CHODL: variants seen among roughly 807,000 people sequenced by gnomAD.
CHODL encodes the protein transmembrane protein MT75.
Under a neutral mutation model 34.5 loss-of-function variants are expected in CHODL, and 29 were observed. The observed-to-expected ratio is 0.84, with a 90% CI of 0.63 to 1.15. The LOEUF is 1.15. CHODL is among the 50% of genes most tolerant of loss of function. The pLI is 0.00. For missense variants in CHODL, 332 were observed against 332.5 expected (o/e 1.00, Z 0.01); for synonymous variants, 125 against 116.1 (o/e 1.08, Z -0.49).
At chr21:18,161,350 T>A (rs2073093161) in intron 2 of CHODL, among the ~76,000 whole-genome samples, 1 of 152,202 alleles carries the variant, frequency 6.6e-6, no homozygotes, top group African/African-American at 2.4e-5. Context: ...GGGAAAGACA[T>A]GTTTTCATAC....
chr21:18,096,724 T>C (rs2065144185), intron 2 of CHODL, among the ~76,000 whole-genome samples: 1 of 152,214 alleles, frequency 6.6e-6, no homozygotes, highest in East Asian at 1.9e-4. Context: ...TCAGTAATTC[T>C]AATTTTGCTC....
At chr21:17,953,421 T>G (rs1181027358) in intron 1 of CHODL, among the ~76,000 whole-genome samples, 2 of 152,068 alleles carry the variant, frequency 1.3e-5, no homozygotes, top group Non-Finnish European at 1.5e-5. Flanking sequence ...GAGCCACGAT[T>G]GTGCCACTGC....
intron 2 of CHODL, among the ~76,000 whole-genome samples, chr21:18,153,970 T>C (rs1013675239): frequency 2.0e-5 from 3 of 152,068 alleles, no homozygotes; most frequent in Non-Finnish European, 2.9e-5. Flanking sequence ...CACCTCTTAC[T>C]GGAGTTTCTT....
At chr21:18,251,736 A>AATATATAAAATAAATATTTAT (rs1175887362) in intron 1 of CHODL, among the ~76,000 whole-genome samples, 10 of 113,624 alleles carry the variant, frequency 8.8e-5, no homozygotes, top group Non-Finnish European at 1.9e-4. Flanking sequence ...TATTTATTTT[A>AATATATAAAATAAATATTTAT]TTTATTTTAT....
intron 2 of CHODL, among the ~76,000 whole-genome samples, chr21:18,046,300 A>G (rs1346632949): frequency 6.6e-6 from 1 of 151,966 alleles, no homozygotes; most frequent in East Asian, 1.9e-4. Flanking sequence ...TTTAAGCTGC[A>G]GTGCAAAGAG....
At chr21:18,033,899 C>T (rs1431702835) in intron 2 of CHODL, among the ~76,000 whole-genome samples, 2 of 151,936 alleles carry the variant, frequency 1.3e-5, no homozygotes, top group Non-Finnish European at 2.9e-5. Context: ...ATAGTCTGTA[C>T]TATATTCTCA....
At chr21:17,980,558 C>T (rs867499568) in intron 1 of CHODL, among the ~76,000 whole-genome samples, 1 of 152,180 alleles carries the variant, frequency 6.6e-6, no homozygotes. Flanking sequence ...GTTTAAGTGC[C>T]AGGTTGTAGT....
chr21:17,972,299 A>G (rs183930), intron 1 of CHODL, among the ~76,000 whole-genome samples: 51,811 of 152,066 alleles, frequency 0.34, 9,496 homozygotes, highest in East Asian at 0.67. Flanking sequence ...CAGGGCAATC[A>G]GGCAAGAGAA....
At chr21:18,191,414 G>C (rs113685034) in intron 2 of CHODL, among the ~76,000 whole-genome samples, 4 of 152,126 alleles carry the variant, frequency 2.6e-5, no homozygotes, top group Non-Finnish European at 5.9e-5. Context: ...CAGTTGCCAG[G>C]GCTCTGCAAG....
At chr21:18,252,845 C>T (rs77607233) in intron 1 of CHODL, among the ~76,000 whole-genome samples, 4,061 of 152,066 alleles carry the variant, frequency 0.027, 63 homozygotes, top group Non-Finnish European at 0.037. Context: ...GTCTCCCGAC[C>T]GTGCAGCCAT....
At chr21:18,116,709 C>T (rs774368690) in intron 2 of CHODL, among the ~76,000 whole-genome samples, 3 of 152,140 alleles carry the variant, frequency 2.0e-5, no homozygotes, top group Non-Finnish European at 2.9e-5. Flanking sequence ...ATCTAAGTGC[C>T]ACCACGCAGT....
intron 2 of CHODL, among the ~76,000 whole-genome samples, chr21:18,122,235 C>T (rs1041899628): frequency 6.6e-5 from 10 of 152,058 alleles, no homozygotes; most frequent in Non-Finnish European, 1.2e-4. Context: ...AAATAATATA[C>T]GTCAGATGGG....
chr21:18,097,617 T>C (rs1688159), intron 2 of CHODL, among the ~76,000 whole-genome samples: 62,693 of 151,912 alleles, frequency 0.41, 14,065 homozygotes, highest in Non-Finnish European at 0.51. Flanking sequence ...TTGGAAGAAT[T>C]AATATTATTA....
At chr21:18,180,187 G>C (rs1855378892) in intron 2 of CHODL, among the ~76,000 whole-genome samples, 1 of 152,110 alleles carries the variant, frequency 6.6e-6, no homozygotes, top group African/African-American at 2.4e-5. Flanking sequence ...GGCTTTTGCT[G>C]TGTCACCAAG....
chr21:17,921,137 G>A (rs1363957403), intron 1 of CHODL, among the ~76,000 whole-genome samples: 1 of 152,188 alleles, frequency 6.6e-6, no homozygotes, highest in African/African-American at 2.4e-5. Context: ...TATAGAGGCT[G>A]GGAAGTCCAA....
At chr21:17,975,172 A>G (rs969806095) in intron 1 of CHODL, among the ~76,000 whole-genome samples, 6 of 152,240 alleles carry the variant, frequency 3.9e-5, no homozygotes, top group Non-Finnish European at 7.4e-5. Context: ...TTTCAGCAAC[A>G]TGGAGGAAGC....
intron 2 of CHODL, among the ~76,000 whole-genome samples, chr21:18,196,335 T>C (rs2073587698): frequency 6.6e-6 from 1 of 152,210 alleles, no homozygotes. Flanking sequence ...TAAGATAAAG[T>C]GAAGAGATAA....
intron 2 of CHODL, among the ~76,000 whole-genome samples, chr21:18,126,383 C>T (rs1264229491): frequency 1.3e-5 from 2 of 152,064 alleles, no homozygotes; most frequent in African/African-American, 2.4e-5. Flanking sequence ...GTAAATATAA[C>T]TTTTATATAC....
chr21:18,162,615 G>C (rs530447127), intron 2 of CHODL, among the ~76,000 whole-genome samples: 1 of 152,202 alleles, frequency 6.6e-6, no homozygotes, highest in South Asian at 2.1e-4. Flanking sequence ...GTCACATTTT[G>C]AGGTGCTGAA....
Sources: gnomAD v4.1 joint callset for allele counts (sites outside exome capture counted in the v4.1 genomes callset) on GRCh38, gnomAD v4.1.1 for gene constraint, MANE v1.5 for transcripts, NCBI Gene and HGNC (gene_info 2026-07-23, HGNC 2026-07-21) for gene names.